The following TENM3 variants were observed in gnomAD, a reference collection of about 807,000 sequenced individuals.
The protein encoded by TENM3 is teneurin-3.
Under a neutral mutation model 255.1 loss-of-function variants are expected in TENM3, and 63 were observed. The ratio of observed to expected loss-of-function variants is 0.25; its 90% CI spans 0.20 to 0.30. TENM3 has a LOEUF of 0.30. Ranked by LOEUF, TENM3 falls within the 10% of genes least tolerant of loss-of-function variation. The probability of loss-of-function intolerance (pLI) is 1.00; values close to 1 mark genes in which losing one functional copy is unlikely to be tolerated. For missense variants in TENM3, 2,929 were observed against 3,461.1 expected (o/e 0.85, Z 3.86); for synonymous variants, 1,306 against 1,322.3 (o/e 0.99, Z 0.27).
the TENM3 span, among the ~76,000 whole-genome samples, chr4:181,715,663 A>G: frequency 6.6e-6 from 1 of 152,160 alleles, no homozygotes; most frequent in Non-Finnish European, 1.5e-5. Context: ...GGTAGAAATG[A>G]CCCAAGACGT....
chr4:182,049,504 T>A, the TENM3 span, among the ~76,000 whole-genome samples: 1 of 152,204 alleles, frequency 6.6e-6, no homozygotes, highest in African/African-American at 2.4e-5. Context: ...CTGGGTCCTC[T>A]ACCCCCATTC....
At chr4:182,501,208 A>G (rs911430583) in intron 3 of TENM3, among the ~76,000 whole-genome samples, 2 of 152,168 alleles carry the variant, frequency 1.3e-5, no homozygotes, top group African/African-American at 4.8e-5. Context: ...TTAGTTCAAC[A>G]GCGGCACCTT....
the TENM3 span, among the ~76,000 whole-genome samples, chr4:181,719,905 C>A: frequency 6.6e-6 from 1 of 152,148 alleles, no homozygotes; most frequent in Non-Finnish European, 1.5e-5. Flanking sequence ...TCCTTGGATT[C>A]GTATTTGGTA....
At chr4:181,709,750 T>G in the TENM3 span, among the ~76,000 whole-genome samples, 8 of 152,032 alleles carry the variant, frequency 5.3e-5, no homozygotes, top group Non-Finnish European at 1.0e-4. Flanking sequence ...TAGTTGGGAG[T>G]CGAGACATTA....
At chr4:182,000,410 C>T in the TENM3 span, among the ~76,000 whole-genome samples, 5 of 152,010 alleles carry the variant, frequency 3.3e-5, no homozygotes, top group Non-Finnish European at 7.4e-5. Flanking sequence ...GAGAACCTGT[C>T]CTTTGAAAGG....
the TENM3 span, among the ~76,000 whole-genome samples, chr4:181,979,364 G>C: frequency 2.6e-5 from 4 of 151,406 alleles, no homozygotes; most frequent in South Asian, 6.2e-4. Context: ...TTCAAGTCCT[G>C]TTATAGCTCT....
intron 1 of TENM3, among the ~76,000 whole-genome samples, chr4:182,219,178 C>T (rs747901876): frequency 9.9e-5 from 15 of 152,124 alleles, no homozygotes; most frequent in Non-Finnish European, 2.2e-4. Context: ...GTCGAAATCA[C>T]GCCACTGCCC....
At chr4:182,088,850 A>AG in the TENM3 span, among the ~76,000 whole-genome samples, 3 of 142,804 alleles carry the variant, frequency 2.1e-5, no homozygotes, top group Non-Finnish European at 4.8e-5. Context: ...AAAAAAAAAA[A>AG]AAGAGAGAGA....
intron 3 of TENM3, among the ~76,000 whole-genome samples, chr4:182,353,050 C>T (rs918832387): frequency 1.8e-4 from 27 of 152,060 alleles, no homozygotes; most frequent in African/African-American, 3.4e-4. Context: ...CATGTACTTG[C>T]GATCATTCTA....
chr4:182,722,997 T>C (rs1759874363), intron 13 of TENM3, among the ~76,000 whole-genome samples: 3 of 152,174 alleles, frequency 2.0e-5, no homozygotes, highest in African/African-American at 7.2e-5. Context: ...TTCATTGAAA[T>C]AGGAAATTGA....
chr4:181,840,132 G>C, the TENM3 span, among the ~76,000 whole-genome samples: 2 of 151,978 alleles, frequency 1.3e-5, no homozygotes, highest in South Asian at 4.2e-4. Flanking sequence ...ATATTTTACT[G>C]TTTTCTAAGT....
At chr4:181,484,828 C>T in the TENM3 span, among the ~76,000 whole-genome samples, 1 of 151,946 alleles carries the variant, frequency 6.6e-6, no homozygotes, top group African/African-American at 2.4e-5. Flanking sequence ...CCTACCCTGC[C>T]TAATTTTATG....
At chr4:182,616,728 C>T (rs1011168903) in intron 4 of TENM3, among the ~76,000 whole-genome samples, 12 of 152,000 alleles carry the variant, frequency 7.9e-5, no homozygotes, top group Admixed American at 4.6e-4. Context: ...CCAGCATCCT[C>T]GGCTGATGGA....
In TENM3 at chr4:182,323,955, T is replaced by G; in HGVS notation, c.-66T>G. ...CCTTGTATCTTCACAGAGAGGCCAA[T>G]GAGACTTGAACCCTGAGCCTAAGTT... On this transcript the variant is annotated 5_prime_UTR_variant, in exon 2 of 28. An upstream start codon of the reference 5' UTR is lost. Coordinates refer to ENST00000511685, the MANE Select transcript of TENM3 (RefSeq NM_001080477.4). 2 of 1,407,884 alleles carry G rather than the reference T, an allele frequency of 1.4e-6. No homozygotes were observed. Among genetic ancestry groups the G allele is most frequent in the Non-Finnish European group, 2.0e-6 (2 of 1,014,760 alleles). 87.2% of individuals were successfully genotyped at this position (1,407,884 alleles called of 1,614,324 possible).
At chr4:182,078,982 G>C in the TENM3 span, among the ~76,000 whole-genome samples, 1 of 152,170 alleles carries the variant, frequency 6.6e-6, no homozygotes, top group South Asian at 2.1e-4. Flanking sequence ...TAATGAATCT[G>C]AAGATTGCAG....
At chr4:181,650,405 G>A in the TENM3 span, among the ~76,000 whole-genome samples, 1 of 152,132 alleles carries the variant, frequency 6.6e-6, no homozygotes, top group African/African-American at 2.4e-5. Flanking sequence ...TCTGCTACAT[G>A]GGGGTCATGT....
At chr4:182,239,033 A>ATGTGTGTG (rs10533748), upstream of TENM3, among the ~76,000 whole-genome samples, 419 of 140,142 alleles carry the variant, frequency 3.0e-3, 2 homozygotes, top group East Asian at 0.01. Context: ...AAAAATCTTT[A>ATGTGTGTG]TGTGTGTGTG....
At chr4:182,194,997 G>A (rs1753750183) in intron 1 of TENM3, among the ~76,000 whole-genome samples, 1 of 148,532 alleles carries the variant, frequency 6.7e-6, no homozygotes, top group South Asian at 2.1e-4. Context: ...CAAGGCTTAT[G>A]AAATAAGTGA....
upstream of TENM3, among the ~76,000 whole-genome samples, chr4:182,241,255 GT>G (rs1757234711): frequency 6.6e-6 from 1 of 152,082 alleles, no homozygotes; most frequent in African/African-American, 2.4e-5. Context: ...CCAATACTTT[GT>G]TCTCTTGTAA....
Sources: gnomAD v4.1 joint callset for allele counts (sites outside exome capture counted in the v4.1 genomes callset) on GRCh38, gnomAD v4.1.1 for gene constraint, MANE v1.5 for transcripts, NCBI Gene and HGNC (gene_info 2026-07-23, HGNC 2026-07-21) for gene names.